PRKCE: variants seen among roughly 807,000 people sequenced by gnomAD.
The protein encoded by PRKCE is protein kinase C epsilon type.
A neutral mutation model predicts 85.4 loss-of-function variants in PRKCE; 16 were observed. That is an observed-to-expected ratio of 0.19 (90% CI 0.13 to 0.28). The LOEUF is 0.28. PRKCE is among the 10% of genes least tolerant of loss of function. The probability of loss-of-function intolerance (pLI) is 1.00; values close to 1 mark genes in which losing one functional copy is unlikely to be tolerated. For missense variants in PRKCE, 573 were observed against 975.2 expected (o/e 0.59, Z 5.49); for synonymous variants, 388 against 371.5 (o/e 1.04, Z -0.51).
At chr2:45,784,971 T>C (rs1573347153) in intron 1 of PRKCE, among the ~76,000 whole-genome samples, 1 of 152,248 alleles carries the variant, frequency 6.6e-6, no homozygotes, top group African/African-American at 2.4e-5. Flanking sequence ...CTTATCCTTT[T>C]CCTCTAATTT....
intron 1 of PRKCE, among the ~76,000 whole-genome samples, chr2:45,819,188 A>G (rs956426027): frequency 3.9e-5 from 6 of 152,212 alleles, no homozygotes; most frequent in Admixed American, 3.9e-4. Flanking sequence ...TTAACTCATC[A>G]GATCCTCACA....
intron 1 of PRKCE, among the ~76,000 whole-genome samples, chr2:45,796,545 T>C (rs897779563): frequency 4.6e-5 from 7 of 152,204 alleles, no homozygotes; most frequent in Non-Finnish European, 1.0e-4. Flanking sequence ...CACTGTCTTA[T>C]CTTGACTTGG....
At chr2:45,718,242 C>T (rs1680310851) in intron 1 of PRKCE, among the ~76,000 whole-genome samples, 1 of 152,112 alleles carries the variant, frequency 6.6e-6, no homozygotes, top group Non-Finnish European at 1.5e-5. Flanking sequence ...CCAAATGTCC[C>T]CTGCAGGGCA....
intron 2 of PRKCE, among the ~76,000 whole-genome samples, chr2:45,888,672 G>A (rs1178503991): frequency 6.6e-6 from 1 of 151,938 alleles, no homozygotes. Flanking sequence ...GGCTGGTTTC[G>A]AACTCCTGGC....
At chr2:45,739,965 T>G (rs1043908047) in intron 1 of PRKCE, among the ~76,000 whole-genome samples, 1 of 152,196 alleles carries the variant, frequency 6.6e-6, no homozygotes, top group East Asian at 1.9e-4. Flanking sequence ...AGCTTTGAGA[T>G]ACACCATAAT....
chr2:46,182,146 C>G lies in PRKCE; in HGVS notation c.2068-2589C>G, dbSNP rs555604001. Among the ~76,000 whole-genome samples, 10 of 152,256 alleles carry G rather than the reference C, an allele frequency of 6.6e-5. No individual in the cohort carries two copies. The South Asian group carries it at 1.7e-3, about 25-fold the overall frequency. ...CTGGCTTGCCTTCTGGGATGATACC[C>G]AGGGCTTCCCTAATTGTTGCCACAG... On this transcript the variant is annotated intron_variant, in intron 14 of 14. Transcript: ENST00000306156.
chr2:45,659,022 T>G (rs994139984), intron 1 of PRKCE, among the ~76,000 whole-genome samples: 7 of 152,216 alleles, frequency 4.6e-5, no homozygotes, highest in African/African-American at 1.7e-4. Context: ...TGTGCCAATG[T>G]CATCTAGTTT....
chr2:46,061,833 C>CTTTTCTTTTCTTTTCT (rs1553335447), intron 10 of PRKCE, among the ~76,000 whole-genome samples: 5 of 133,262 alleles, frequency 3.8e-5, no homozygotes, highest in East Asian at 2.1e-4. Context: ...TATTTCTTTT[C>CTTTTCTTTTCTTTTCT]TTTTCTTTTC....
At chr2:45,676,582 G>C (rs917143299) in intron 1 of PRKCE, among the ~76,000 whole-genome samples, 1 of 152,240 alleles carries the variant, frequency 6.6e-6, no homozygotes, top group African/African-American at 2.4e-5. Context: ...AAGTAGCCCA[G>C]TCCGTACAAA....
At position 45,733,818 on chromosome 2, in the gene PRKCE, G is replaced by T. The variant is rs533320541; in HGVS notation, c.348+81370G>T. Among the ~76,000 whole-genome samples, 7 of 152,228 alleles carry T rather than the reference G, an allele frequency of 4.6e-5. No homozygotes were observed. In the South Asian group the frequency reaches 1.5e-3, roughly 32 times the overall value. On this transcript the variant is annotated intron_variant, in intron 1 of 14. Transcript: ENST00000306156. ...ATGGCTCTGCTGGTGACCTCGGTGGGCTCTTTCTGCTCTGCAAGTCATAAG... is the reference window on the plus strand; with the variant it reads ...ATGGCTCTGCTGGTGACCTCGGTGGTCTCTTTCTGCTCTGCAAGTCATAAG...
chr2:45,943,628 C>T (rs546271085), intron 2 of PRKCE, among the ~76,000 whole-genome samples: 1 of 152,286 alleles, frequency 6.6e-6, no homozygotes, highest in South Asian at 2.1e-4. Flanking sequence ...AAATGTTTTC[C>T]AGTTCCACTG....
chr2:46,159,701 C>T lies in PRKCE; in HGVS notation c.2016C>T (p.Asp672=). ...IKQHPFFKEI[D]WVLLEQKKIK... ...AGCACCCATTCTTCAAAGAGATTGACTGGGTGCTCCTGGAGCAGAAGAAGA... is the reference window on the plus strand; with the variant it reads ...AGCACCCATTCTTCAAAGAGATTGATTGGGTGCTCCTGGAGCAGAAGAAGA... Residue 672 remains aspartate, a synonymous_variant, in exon 14 of 15, where the codon GAC becomes GAT. Transcript: ENST00000306156. This position sits in a 1 kb window ranked among gnomAD's most constrained non-coding sequence, Gnocchi z 4.1. The T allele has an allele frequency of 6.3e-6, 10 of 1,599,284 alleles. No individual in the cohort carries two copies. Among genetic ancestry groups the T allele is most frequent in the Non-Finnish European group, 7.6e-6 (9 of 1,179,804 alleles).
At chr2:45,723,725 G>C (rs7564294) in intron 1 of PRKCE, among the ~76,000 whole-genome samples, 22,294 of 151,980 alleles carry the variant, frequency 0.15, 1,744 homozygotes, top group Non-Finnish European at 0.17. Flanking sequence ...CTGCCTCAGC[G>C]TCCTGAATAG....
At position 45,903,915 on chromosome 2, in the gene PRKCE, G is replaced by GTTTTTTTTT. The variant is rs57203202; in HGVS notation, c.412+60860_412+60861insTTTTTTTTT. On this transcript the variant is annotated intron_variant, in intron 2 of 14. Coordinates refer to ENST00000306156, the MANE Select transcript of PRKCE (RefSeq NM_005400.3). ...TGTTTGTTTGTTTGTTTGTTTGTTT[G>GTTTTTTTTT]TTTTTTTTGGCAGGGTCTCACTCTG... Among the ~76,000 whole-genome samples the GTTTTTTTTT allele has an allele frequency of 8.3e-4, 78 of 93,684 alleles. 2 individuals carry two copies. Among genetic ancestry groups the GTTTTTTTTT allele is most frequent in the African/African-American group, 2.4e-3 (74 of 30,540 alleles). The allele number at this position is 93,684 out of a possible 152,430, so 61.5% of individuals were successfully genotyped here. A position where few individuals can be genotyped will look rare whatever the true frequency, so the allele number is the denominator to read the frequency against.
chr2:46,034,747 C>G (rs34156674), intron 10 of PRKCE, among the ~76,000 whole-genome samples: 22,354 of 152,242 alleles, frequency 0.15, 1,671 homozygotes, highest in Middle Eastern at 0.17. Flanking sequence ...TTTGGCAAAT[C>G]AACTGCTCTG....
intron 11 of PRKCE, among the ~76,000 whole-genome samples, chr2:46,133,689 G>A (rs1263399988): frequency 2.6e-5 from 4 of 151,968 alleles, no homozygotes; most frequent in Admixed American, 1.3e-4. Context: ...TCATCATTTC[G>A]TTCTGACATT....
At chr2:45,908,760 T>C (rs1345074449) in intron 2 of PRKCE, among the ~76,000 whole-genome samples, 1 of 152,150 alleles carries the variant, frequency 6.6e-6, no homozygotes, top group Non-Finnish European at 1.5e-5. Context: ...ACTGGGGCAA[T>C]GTGGAGGATC....
intron 2 of PRKCE, among the ~76,000 whole-genome samples, chr2:45,878,005 A>G (rs565428827): frequency 4.6e-5 from 7 of 152,292 alleles, no homozygotes; most frequent in African/African-American, 1.4e-4. Context: ...TTTCTTGCAC[A>G]TTGTTGCTTT....
intron 1 of PRKCE, among the ~76,000 whole-genome samples, chr2:45,784,801 G>T (rs1008875817): frequency 6.6e-6 from 1 of 152,176 alleles, no homozygotes; most frequent in Non-Finnish European, 1.5e-5. Flanking sequence ...GGAAAATGGT[G>T]GTTGACTTTG....
Sources: gnomAD v4.1 joint callset for allele counts (sites outside exome capture counted in the v4.1 genomes callset) on GRCh38, gnomAD v4.1.1 for gene constraint, Gnocchi (gnomAD v3.1) non-coding constraint, MANE v1.5 for transcripts, NCBI Gene and HGNC (gene_info 2026-07-23, HGNC 2026-07-21) for gene names.